Variants in GOLGA1 observed in about 807,000 individuals in gnomAD.
GOLGA1 encodes the protein golgin A1, also known as golgin subfamily A member 1.
A neutral mutation model predicts 119.7 loss-of-function variants in GOLGA1; 63 were observed. The observed-to-expected ratio is 0.53, with a 90% confidence interval of 0.43 to 0.65. The LOEUF is 0.65. GOLGA1 is among the 30% of genes least tolerant of loss of function. The pLI is 0.00. For synonymous variants in GOLGA1, 318 were observed against 333.4 expected (o/e 0.95, Z 0.50); for missense variants, 798 against 912.8 (o/e 0.87, Z 1.62).
At chr9:124,916,300 C>T (rs1213594101) in intron 10 of GOLGA1, among the ~76,000 whole-genome samples, 2 of 151,726 alleles carry the variant, frequency 1.3e-5, no homozygotes, top group Non-Finnish European at 2.9e-5. Context: ...ATTCTGAACA[C>T]TGTGGGTTAA....
At chr9:124,924,692 T>C (rs887607014) in intron 7 of GOLGA1, among the ~76,000 whole-genome samples, 2 of 150,456 alleles carry the variant, frequency 1.3e-5, no homozygotes, top group Non-Finnish European at 3.0e-5. Context: ...CTAACCCTTC[T>C]GTTACAGTTT....
chr9:124,882,562 T>C lies in GOLGA1; in HGVS notation c.1913A>G (p.Lys638Arg). The C allele has an allele frequency of 1.2e-6, 2 of 1,612,208 alleles. No individual in the cohort carries two copies. Among genetic ancestry groups the C allele is most frequent in the Non-Finnish European group, 1.7e-6 (2 of 1,179,540 alleles). The change falls in exon 20 of 23, where the codon AAG (lysine) becomes AGG (arginine). Residue 638 changes from lysine to arginine, a missense_variant. Coordinates refer to ENST00000373555, the MANE Select transcript of GOLGA1 (RefSeq NM_002077.4). The stretch of plus-strand genomic sequence containing the variant: ...CTCCAGCATCCGCTGCTGCATCTGC[T>C]TTATGGTCTGCGACAAGCCCCACCC... ...QQLLEKNKTI[K>R]QMQQRMLELR...
At chr9:124,947,141 C>T (rs900278140) in intron 1 of GOLGA1, 1 of 152,094 alleles carries the variant, frequency 6.6e-6, no homozygotes, top group African/African-American at 2.4e-5. Flanking sequence ...TATATTTCCC[C>T]TATTTAATGG....
chr9:124,931,931 C>T (rs539842359), intron 3 of GOLGA1, among the ~76,000 whole-genome samples: 1 of 152,272 alleles, frequency 6.6e-6, no homozygotes, highest in East Asian at 1.9e-4. Context: ...ATTAATGAGG[C>T]ATACATTTTT....
intron 11 of GOLGA1, among the ~76,000 whole-genome samples, 177 bp downstream of exon 11, chr9:124,911,724 C>T (rs1166065492): frequency 6.6e-6 from 1 of 152,204 alleles, no homozygotes; most frequent in East Asian, 1.9e-4. Flanking sequence ...AAGCATGTCA[C>T]CCACAGGGGA....
At chr9:124,919,905 T>C (rs368609305) in intron 10 of GOLGA1, among the ~76,000 whole-genome samples, 2 of 152,112 alleles carry the variant, frequency 1.3e-5, no homozygotes, top group African/African-American at 2.4e-5. Flanking sequence ...TAATAAATTA[T>C]GTCATTGGGA....
chr9:124,926,866 A>C (rs1447378330), intron 6 of GOLGA1, 125 bp from the exon 7 acceptor site: 2 of 580,344 alleles, frequency 3.4e-6, no homozygotes, highest in South Asian at 5.1e-5. Context: ...AAAAAAGCCA[A>C]TTAAAAAAAA....
rs1056359529 is a variant in GOLGA1, at chr9:124,918,795, C to T, written c.843+2334G>A. On this transcript the variant is annotated intron_variant, in intron 10 of 22. Coordinates refer to ENST00000373555, the MANE Select transcript of GOLGA1 (RefSeq NM_002077.4). ...TAATACAAAAACCAAAGTTGTGTAT[C>T]TATTTTCCCCCTTCTTCCATGACCC... is the stretch of plus-strand genomic sequence containing the variant. 3.9e-5 allele frequency among the ~76,000 whole-genome samples: 6 copies of T among 152,144 alleles called. No individual in the cohort carries two copies. In the East Asian group the frequency reaches 7.8e-4, roughly 20 times the overall value.
At chr9:124,922,645 G>A (rs1830594390) in intron 8 of GOLGA1, among the ~76,000 whole-genome samples, 3 of 151,354 alleles carry the variant, frequency 2.0e-5, no homozygotes, top group Admixed American at 2.0e-4. Flanking sequence ...CATGCTTACA[G>A]TTCCAGTTAC....
At chr9:124,942,470 G>GA (rs1564350478), upstream of GOLGA1, 1 of 152,178 alleles carries the variant, frequency 6.6e-6, no homozygotes, top group Non-Finnish European at 1.5e-5. Context: ...GCAGGGCAGG[G>GA]AAAAAACCAA....
intron 2 of GOLGA1, among the ~76,000 whole-genome samples, chr9:124,939,550 CTTTTTT>C (rs3051147): frequency 5.1e-4 from 42 of 81,842 alleles, no homozygotes; most frequent in African/African-American, 1.3e-3. Context: ...TTCTTTCTTT[CTTTTTT>C]TTTTTTTTTT....
At chr9:124,923,990 A>G (rs1287227616) in intron 7 of GOLGA1, among the ~76,000 whole-genome samples, 17 of 152,074 alleles carry the variant, frequency 1.1e-4, no homozygotes. Flanking sequence ...TGAGTACCTG[A>G]GACTACAGGC....
intron 12 of GOLGA1, among the ~76,000 whole-genome samples, chr9:124,903,229 T>G (rs541059382): frequency 6.6e-6 from 1 of 152,314 alleles, no homozygotes; most frequent in South Asian, 2.1e-4. Flanking sequence ...GGCTTATGCC[T>G]GTAATCCCAG....
rs3780597 is a variant in GOLGA1 at position 124,926,267 on chromosome 9, A to G, written c.432+442T>C. ...AAAAACTATGTCAAGAAGGCAAACC[A>G]AAGGTCCAACTGAAGCTGTGACTTT... On this transcript the variant is annotated intron_variant, in intron 7 of 22. Transcript: ENST00000373555. 0.016 allele frequency among the ~76,000 whole-genome samples: 2,454 copies of G among 152,318 alleles called. 157 individuals carry two copies. The East Asian group carries it at 0.23, about 14-fold the overall frequency.
Position 124,879,690 on chromosome 9 carries a change from G to T in GOLGA1, c.*840C>A, listed in dbSNP as rs1357703742. The T allele has an allele frequency of 6.6e-6, 1 of 152,014 alleles. No individual in the cohort carries two copies. The highest frequency in any genetic ancestry group is 1.9e-4 in the East Asian group (1 of 5,198). 9.4% of individuals were successfully genotyped at this position (152,014 alleles called of 1,614,324 possible). ...GGAACAGGAATCCTAGTTTTAGGAA[G>T]AATTTCCTCTGGACGCTCTGATTTT... On this transcript the variant is annotated 3_prime_UTR_variant, in exon 23 of 23. Transcript: ENST00000373555.
rs751704005 is a variant in GOLGA1 at position 124,911,895 on chromosome 9, A to G, written c.969+6T>C. The G allele has an allele frequency of 8.1e-6, 13 of 1,610,872 alleles. No homozygotes were observed. Among genetic ancestry groups the G allele is most frequent in the African/African-American group, 1.3e-5 (1 of 74,844 alleles). On this transcript the variant is annotated splice_donor_region_variant and intron_variant, in intron 11 of 22. Coordinates refer to ENST00000373555, the MANE Select transcript of GOLGA1 (RefSeq NM_002077.4). The stretch of plus-strand genomic sequence containing the variant: ...CACCAGCCAGCCCAAAGAGAACAGA[A>G]GTTACCTCTTTCAGGAGTTCTTGCA...
At chr9:124,921,968 C>G in intron 8 of GOLGA1, 76 bp from the exon 9 acceptor site, 1 of 1,261,306 alleles carries the variant, frequency 7.9e-7, no homozygotes, top group Non-Finnish European at 1.1e-6. Context: ...TGGCTCACGC[C>G]TGTAATCCCA....
intron 12 of GOLGA1, among the ~76,000 whole-genome samples, chr9:124,905,860 C>T (rs1026644464): frequency 6.6e-6 from 1 of 152,042 alleles, no homozygotes; most frequent in Admixed American, 6.6e-5. Context: ...TGTGGTGGCT[C>T]GTGCCTGTAA....
At chr9:124,929,434 C>T in intron 4 of GOLGA1, 144 bp from the exon 5 acceptor site, 1 of 658,692 alleles carries the variant, frequency 1.5e-6, no homozygotes. Context: ...CAGACAGCCT[C>T]CCATTAACAA....
Sources: gnomAD v4.1 joint callset for allele counts (sites outside exome capture counted in the v4.1 genomes callset) on GRCh38, gnomAD v4.1.1 for gene constraint, MANE v1.5 for transcripts, NCBI Gene and HGNC (gene_info 2026-07-23, HGNC 2026-07-21) for gene names.